Variants in PTN observed in about 807,000 individuals in gnomAD.
The protein encoded by PTN is pleiotrophin.
PTN carries 18 observed loss-of-function variants against 24.1 expected under a neutral mutation model. That is an observed-to-expected ratio of 0.75 (90% CI 0.52 to 1.11). The LOEUF (loss-of-function observed/expected upper bound fraction) is 1.11. Ranked by LOEUF, PTN falls within the 50% of genes least tolerant of loss-of-function variation. The pLI is 0.00. For missense variants in PTN, 163 were observed against 198.8 expected (o/e 0.82, Z 1.08); for synonymous variants, 78 against 68.6 (o/e 1.14, Z -0.67).
intron 1 of PTN, among the ~76,000 whole-genome samples, chr7:137,324,417 T>TAAAAAA (rs1366943397): frequency 4.7e-5 from 3 of 63,458 alleles, no homozygotes; most frequent in African/African-American, 2.6e-4. Flanking sequence ...ACCCTGTCTC[T>TAAAAAA]AAAAAAAAAA....
At chr7:137,330,011 G>A (rs1338029042) in intron 1 of PTN, among the ~76,000 whole-genome samples, 3 of 152,188 alleles carry the variant, frequency 2.0e-5, no homozygotes, top group African/African-American at 4.8e-5. Context: ...AGTTGGTCGG[G>A]TGCAGTGGCT....
intron 1 of PTN, among the ~76,000 whole-genome samples, chr7:137,332,215 G>A (rs1585048361): frequency 6.6e-6 from 1 of 152,282 alleles, no homozygotes; most frequent in Non-Finnish European, 1.5e-5. Flanking sequence ...CAGAAAAACC[G>A]TAAAGGTATA....
intron 1 of PTN, among the ~76,000 whole-genome samples, chr7:137,327,621 C>G (rs1810284301): frequency 6.6e-6 from 1 of 152,060 alleles, no homozygotes; most frequent in South Asian, 2.1e-4. Context: ...TATAGCAAGA[C>G]CCCATCTCTA....
At chr7:137,251,948 G>A (rs190531589) in intron 3 of PTN, among the ~76,000 whole-genome samples, 6 of 151,904 alleles carry the variant, frequency 3.9e-5, no homozygotes, top group East Asian at 3.9e-4. Flanking sequence ...AAGGACATCC[G>A]AGTTGTTACC....
intron 4 of PTN, among the ~76,000 whole-genome samples, chr7:137,228,894 T>C (rs1385377680): frequency 1.3e-5 from 2 of 151,868 alleles, no homozygotes; most frequent in African/African-American, 4.8e-5. Flanking sequence ...TATTGCTAAA[T>C]ATTTCTGAGC....
Position 137,251,989 on chromosome 7 carries a change from T to C in PTN, c.290-598A>G, listed in dbSNP as rs2128871050. On this transcript the variant is annotated intron_variant, in intron 3 of 4. Coordinates refer to ENST00000348225, the MANE Select transcript of PTN (RefSeq NM_002825.7). The stretch of plus-strand genomic sequence containing the variant: ...TGGGTTACTACAAATAGAACTGCTA[T>C]ATAAATTCATGTATAGGTTTTTGTG... 5.3e-5 allele frequency among the ~76,000 whole-genome samples: 8 copies of C among 152,000 alleles called. No individual in the cohort carries two copies. The Middle Eastern group carries it at 0.027, about 517-fold the overall frequency.
At chr7:137,338,568 G>T (rs184316406) in intron 1 of PTN, among the ~76,000 whole-genome samples, 2 of 152,176 alleles carry the variant, frequency 1.3e-5, no homozygotes, top group Admixed American at 6.5e-5. Flanking sequence ...AACTGCTTAG[G>T]GCAACAATTG....
At chr7:137,243,142 G>A (rs192493998) in intron 4 of PTN, among the ~76,000 whole-genome samples, 7 of 152,164 alleles carry the variant, frequency 4.6e-5, no homozygotes, top group African/African-American at 1.4e-4. Context: ...TCACCATGTT[G>A]GCCAGGATGG....
At chr7:137,277,449 C>T (rs973857977) in intron 1 of PTN, among the ~76,000 whole-genome samples, 7 of 152,172 alleles carry the variant, frequency 4.6e-5, no homozygotes, top group Non-Finnish European at 8.8e-5. Context: ...CTAAGGCATA[C>T]ACAAATGTTT....
At position 137,278,945 on chromosome 7, in the gene PTN, CAATAATAAT is replaced by C. The variant is rs59932923; in HGVS notation, c.-1-23980_-1-23972del. Among the ~76,000 whole-genome samples the C allele has an allele frequency of 9.7e-3, 1,304 of 134,284 alleles. 9 individuals are homozygous for C. Among genetic ancestry groups the C allele is most frequent in the South Asian group, 0.02 (82 of 4,174 alleles). 88.1% of individuals were successfully genotyped at this position (134,284 alleles called of 152,430 possible). A position where few individuals can be genotyped will look rare whatever the true frequency, so the allele number is the denominator to read the frequency against. On this transcript the variant is annotated intron_variant, in intron 1 of 4. Coordinates refer to ENST00000348225, the MANE Select transcript of PTN (RefSeq NM_002825.7). ...GACAAAGTGAGACTCCATCTCAGAACAATAATAATAATAATAATAATAATAATAATAATA... is the reference window on the plus strand; with the variant it reads ...GACAAAGTGAGACTCCATCTCAGAACAATAATAATAATAATAATAATAATA...
At chr7:137,241,313 A>G (rs1808624454) in intron 4 of PTN, among the ~76,000 whole-genome samples, 1 of 152,204 alleles carries the variant, frequency 6.6e-6, no homozygotes. Flanking sequence ...GTATGTAAAA[A>G]TAAATATAAC....
Position 137,334,776 on chromosome 7 carries a change from A to T in PTN, c.-2+8663T>A, listed in dbSNP as rs1585049533. Among the ~76,000 whole-genome samples the T allele has an allele frequency of 3.3e-5, 5 of 152,022 alleles. No homozygotes were observed. In the South Asian group the frequency reaches 1.0e-3, roughly 32 times the overall value. ...TATCGCGGCACTATTCACAATAGCA[A>T]AGACTTGGAACCAATCCAAATGTCC... On this transcript the variant is annotated intron_variant, in intron 1 of 4. Transcript: ENST00000348225.
At chr7:137,326,258 C>T (rs959959330) in intron 1 of PTN, 20 of 152,148 alleles carry the variant, frequency 1.3e-4, no homozygotes, top group African/African-American at 4.8e-4. Flanking sequence ...AATCCTGTCT[C>T]TCCACAATTC....
chr7:137,254,846 C>G lies in PTN; in HGVS notation c.115+13G>C. On this transcript the variant is annotated intron_variant, in intron 2 of 4. Coordinates refer to ENST00000348225, the MANE Select transcript of PTN (RefSeq NM_002825.7). ...TCAATGAAGCATCTTGCCTTCAGAACCCTACTGCTTACCTGGTTTCTCTTT... is the reference window on the plus strand; with the variant it reads ...TCAATGAAGCATCTTGCCTTCAGAAGCCTACTGCTTACCTGGTTTCTCTTT... 6.6e-7 allele frequency: 1 copy of G among 1,522,046 alleles called. No homozygotes were observed. The highest frequency in any genetic ancestry group is 9.0e-7 in the Non-Finnish European group (1 of 1,114,426). 94.3% of individuals were successfully genotyped at this position (1,522,046 alleles called of 1,614,324 possible).
intron 4 of PTN, among the ~76,000 whole-genome samples, chr7:137,234,424 G>A (rs1808484582): frequency 2.0e-5 from 3 of 152,024 alleles, no homozygotes; most frequent in Admixed American, 6.6e-5. Context: ...TTGAAAGGAA[G>A]TAGTAATTTA....
At chr7:137,342,940 G>GC (rs1309269028) in intron 1 of PTN, among the ~76,000 whole-genome samples, 2 of 152,038 alleles carry the variant, frequency 1.3e-5, no homozygotes, top group Non-Finnish European at 2.9e-5. Context: ...GGAGGAACAA[G>GC]CCCCCACAGC....
At chr7:137,275,753 T>G (rs1047385329) in intron 1 of PTN, among the ~76,000 whole-genome samples, 3 of 152,062 alleles carry the variant, frequency 2.0e-5, no homozygotes, top group Non-Finnish European at 4.4e-5. Context: ...AAAACACAAA[T>G]CCATAATCAT....
intron 1 of PTN, among the ~76,000 whole-genome samples, chr7:137,276,664 G>T (rs1434292959): frequency 6.6e-6 from 1 of 152,202 alleles, no homozygotes; most frequent in East Asian, 1.9e-4. Context: ...CTTCACTTGT[G>T]TGAGTGTTTT....
chr7:137,290,652 G>C (rs141504440), intron 1 of PTN, among the ~76,000 whole-genome samples: 51 of 151,990 alleles, frequency 3.4e-4, no homozygotes, highest in African/African-American at 1.1e-3. Flanking sequence ...TCTTCTTATA[G>C]TGCAAGAAAT....
Sources: gnomAD v4.1 joint callset for allele counts (sites outside exome capture counted in the v4.1 genomes callset) on GRCh38, gnomAD v4.1.1 for gene constraint, MANE v1.5 for transcripts, NCBI Gene and HGNC (gene_info 2026-07-23, HGNC 2026-07-21) for gene names.